The following RAG1 variants were observed in gnomAD, a reference collection of about 807,000 sequenced individuals.
RAG1 encodes V(D)J recombination-activating protein 1.
Under a neutral mutation model 62.7 loss-of-function variants are expected in RAG1, and 35 were observed. The ratio of observed to expected loss-of-function variants is 0.56; its 90% CI spans 0.43 to 0.74. The LOEUF (loss-of-function observed/expected upper bound fraction) is 0.74. Ranked by LOEUF, RAG1 falls within the 30% of genes least tolerant of loss-of-function variation. The pLI, the probability that RAG1 is intolerant of heterozygous loss-of-function variation, is 0.00. For synonymous variants in RAG1, 461 were observed against 470.3 expected (o/e 0.98, Z 0.26); for missense variants, 1,169 against 1,278.6 (o/e 0.91, Z 1.31).
In RAG1 at chr11:36,521,211, A is replaced by T. The variant is rs574702612; in HGVS notation, n.428+982A>T. Among the ~76,000 whole-genome samples, 3 of 151,962 alleles carry T rather than the reference A, an allele frequency of 2.0e-5. 1 individual carries two copies. Among genetic ancestry groups the T allele is most frequent in the African/African-American group, 7.2e-5 (3 of 41,440 alleles). On this transcript the variant is annotated intron_variant and non_coding_transcript_variant, in intron 2 of 2. Coordinates refer to the RAG1 transcript ENST00000529126. ...TGACCTCACACGATCCGTCCTCCTC[A>T]GCCTCCCAAAGTGCTGGGATTACAG...
upstream of RAG1, among the ~76,000 whole-genome samples, chr11:36,564,521 T>C (rs1850634293): frequency 6.6e-6 from 1 of 152,162 alleles, no homozygotes; most frequent in South Asian, 2.1e-4. Context: ...CTTTTTCTGA[T>C]AGTCAAGAAT....
rs1590703338 is a variant in RAG1 at position 36,575,019 on chromosome 11, A to C, written c.1715A>C (p.Asp572Ala). The stretch of plus-strand genomic sequence containing the variant: ...TCAGCTTTGGTGTCTGCTTTGATGG[A>C]CATGGAAGAAGACATCTTGGAAGGC... The part of the protein sequence containing the change: ...YDSALVSALM[D>A]MEEDILEGMR... Residue 572 changes from aspartate to alanine, a missense_variant, in exon 2 of 2, where the codon GAC becomes GCC. Physicochemically the swap from Asp to Ala is moderately radical, Grantham distance 126. This residue lies in a region of RAG1 where 800 missense variants were observed against 943.3 expected (regional missense o/e 0.85). Transcript: ENST00000299440. The surrounding 1 kb of genome is among the most constrained non-coding windows in gnomAD (Gnocchi z 4.1). 1 of 1,614,010 alleles carries C rather than the reference A, an allele frequency of 6.2e-7. No homozygotes were observed. The highest frequency in any genetic ancestry group is 1.3e-5 in the African/African-American group (1 of 74,900).
chr11:36,567,472 A>G (rs1287847156), upstream of RAG1: 2 of 152,186 alleles, frequency 1.3e-5, no homozygotes, highest in Non-Finnish European at 2.9e-5. Flanking sequence ...AACTTACAGT[A>G]GTTACAAGGA....
chr11:36,520,481 T>C (rs1860061779), intron 2 of RAG1, among the ~76,000 whole-genome samples: 1 of 152,168 alleles, frequency 6.6e-6, no homozygotes, highest in Non-Finnish European at 1.5e-5. Flanking sequence ...TTTCCCCATG[T>C]TGGCCAGCTG....
At chr11:36,571,119 C>CAG (rs527933676) in intron 1 of RAG1, among the ~76,000 whole-genome samples, 26 of 152,028 alleles carry the variant, frequency 1.7e-4, no homozygotes, top group Non-Finnish European at 3.8e-4. Context: ...TAATGCAGGC[C>CAG]AGTGGGAGTC....
At chr11:36,567,687 C>T (rs564437361), upstream of RAG1, among the ~76,000 whole-genome samples, 3 of 152,310 alleles carry the variant, frequency 2.0e-5, no homozygotes, top group East Asian at 5.8e-4. Flanking sequence ...ATACTACTAG[C>T]CTTTCCTTTT....
At chr11:36,569,758 C>T (rs1410661164) in intron 1 of RAG1, among the ~76,000 whole-genome samples, 1 of 152,182 alleles carries the variant, frequency 6.6e-6, no homozygotes, top group African/African-American at 2.4e-5. Flanking sequence ...AAAAGGCCCT[C>T]TTATCAATGC....
At chr11:36,522,254 C>T (rs1407200638) in intron 2 of RAG1, among the ~76,000 whole-genome samples, 2 of 152,150 alleles carry the variant, frequency 1.3e-5, no homozygotes, top group Non-Finnish European at 2.9e-5. Context: ...TTTTGTGGTC[C>T]CGGCCCAGGG....
chr11:36,574,958 C>A lies in RAG1; in HGVS notation c.1654C>A (p.Pro552Thr). ...SGLSSSVDDY[P>T]VDTIAKRFRY... ...ACTATCATCCTCTGTGGATGATTACCCAGTGGACACCATTGCAAAGAGGTT... is the reference window on the plus strand; with the variant it reads ...ACTATCATCCTCTGTGGATGATTACACAGTGGACACCATTGCAAAGAGGTT... The change falls in exon 2 of 2, where the codon CCA becomes ACA. Residue 552 changes from proline to threonine, a missense_variant. Coordinates refer to ENST00000299440, the MANE Select transcript of RAG1 (RefSeq NM_000448.3). The A allele has an allele frequency of 6.2e-7, 1 of 1,614,124 alleles. No homozygotes were observed. The highest frequency in any genetic ancestry group is 8.5e-7 in the Non-Finnish European group (1 of 1,180,026).
chr11:36,574,349 A>G lies in RAG1; in HGVS notation c.1045A>G (p.Ser349Gly). 1 of 1,614,148 alleles carries G rather than the reference A, an allele frequency of 6.2e-7. No individual in the cohort carries two copies. The part of the protein sequence containing the change: ...DLESPVKSFL[S>G]VLNSLMVKCP... ...GGAGAGTCCAGTGAAGTCCTTTCTG[A>G]GCGTCTTGAATTCCCTGATGGTGAA... Residue 349 changes from serine to glycine, a missense_variant, in exon 2 of 2, where the codon AGC (serine) becomes GGC (glycine). Physicochemically the swap from Ser to Gly is moderately conservative, Grantham distance 56. Coordinates refer to ENST00000299440, the MANE Select transcript of RAG1 (RefSeq NM_000448.3).
rs756317510 is a variant in RAG1, at chr11:36,517,658, T to C, written n.331-2474T>C. On this transcript the variant is annotated intron_variant and non_coding_transcript_variant, in intron 1 of 2. Transcript: ENST00000529126. ...TGCCTCTCTCATATGGTGTGGTCGTTAATACCTTGTGATTATTAAGAACAA... is the reference window on the plus strand; with the variant it reads ...TGCCTCTCTCATATGGTGTGGTCGTCAATACCTTGTGATTATTAAGAACAA... 2.6e-5 allele frequency among the ~76,000 whole-genome samples: 4 copies of C among 152,338 alleles called. No homozygotes were observed. The Middle Eastern group carries it at 0.01, about 389-fold the overall frequency.
chr11:36,574,544 C>T lies in RAG1; in HGVS notation c.1240C>T (p.Leu414Phe). The change falls in exon 2 of 2, where the codon CTC becomes TTC. Residue 414 changes from leucine (L) to phenylalanine (F), a missense_variant. This residue lies in a region of RAG1 where 800 missense variants were observed against 943.3 expected (regional missense o/e 0.85). Coordinates refer to ENST00000299440, the MANE Select transcript of RAG1 (RefSeq NM_000448.3). ...RRAQKHRLRE[L>F]KLQVKAFADK... Reference sequence around the variant, plus strand: ...AGCTCAGAAGCACCGGCTGAGGGAGCTCAAGCTGCAAGTCAAAGCCTTTGC... The same window carrying T: ...AGCTCAGAAGCACCGGCTGAGGGAGTTCAAGCTGCAAGTCAAAGCCTTTGC... 8.1e-6 allele frequency: 13 copies of T among 1,614,242 alleles called. No homozygotes were observed. Among genetic ancestry groups the T allele is most frequent in the Non-Finnish European group, 1.1e-5 (13 of 1,180,050 alleles).
intron 1 of RAG1, among the ~76,000 whole-genome samples, chr11:36,516,261 G>A (rs191956855): frequency 5.4e-4 from 83 of 152,334 alleles, no homozygotes; most frequent in Middle Eastern, 3.4e-3. Context: ...TGTTTCTTGT[G>A]AGCCGAGTTA....
chr11:36,565,994 T>C (rs567079201), upstream of RAG1: 38 of 152,338 alleles, frequency 2.5e-4, no homozygotes, highest in African/African-American at 8.4e-4. Flanking sequence ...ACTTTATTTG[T>C]AAATATTGTG....
At chr11:36,517,250 A>G (rs1336099016) in intron 1 of RAG1, among the ~76,000 whole-genome samples, 8 of 152,348 alleles carry the variant, frequency 5.3e-5, no homozygotes, top group Admixed American at 2.0e-4. Flanking sequence ...ATTATTTTCA[A>G]TAATTGCATA....
downstream of RAG1, among the ~76,000 whole-genome samples, chr11:36,540,105 A>C (rs1860392482): frequency 6.6e-6 from 1 of 152,198 alleles, no homozygotes; most frequent in African/African-American, 2.4e-5. Flanking sequence ...TTGATCCTAC[A>C]AATTGAGTCA....
intron 2 of RAG1, among the ~76,000 whole-genome samples, chr11:36,527,581 C>A (rs1344416187): frequency 6.6e-6 from 1 of 151,960 alleles, no homozygotes; most frequent in East Asian, 1.9e-4. Context: ...TTTTTTGGTT[C>A]CATATGAACT....
rs1850882173 is a variant in RAG1 at position 36,578,305 on chromosome 11, C to G, written c.*1869C>G. 1 of 166,844 alleles carries G rather than the reference C, an allele frequency of 6.0e-6. No individual in the cohort carries two copies. Among genetic ancestry groups the G allele is most frequent in the African/African-American group, 2.4e-5 (1 of 41,444 alleles). The allele number at this position is 166,844 out of a possible 1,614,324, so 10.3% of individuals were successfully genotyped here. A position where few individuals can be genotyped will look rare whatever the true frequency, so the allele number is the denominator to read the frequency against. ...TCCTTGCTTTTTATATGCAGAATAT[C>G]AAAGTCATTTCTAATTTAGTTGTCA... On this transcript the variant is annotated 3_prime_UTR_variant, in exon 2 of 2. Coordinates refer to ENST00000299440, the MANE Select transcript of RAG1 (RefSeq NM_000448.3).
downstream of RAG1, among the ~76,000 whole-genome samples, chr11:36,536,932 G>A (rs1860339392): frequency 6.8e-6 from 1 of 146,806 alleles, no homozygotes; most frequent in African/African-American, 2.6e-5. Flanking sequence ...CTAATTTTTT[G>A]TATTTTTAGT....
Sources: allele counts gnomAD v4.1 joint callset (sites outside exome capture counted in the v4.1 genomes callset), GRCh38; gene constraint gnomAD v4.1.1; regional missense constraint gnomAD v4.1.1; non-coding constraint Gnocchi (gnomAD v3.1); transcripts MANE v1.5; gene names NCBI Gene and HGNC (gene_info 2026-07-23, HGNC 2026-07-21).